The following SORCS2 variants were observed in gnomAD, a reference collection of about 807,000 sequenced individuals.
The protein encoded by SORCS2 is sortilin related VPS10 domain containing receptor 2.
In SORCS2, 100 loss-of-function variants were observed where a neutral mutation model predicts 141.6. That is an observed-to-expected ratio of 0.71 (90% CI 0.60 to 0.83). The LOEUF is 0.83. Among genes scored for constraint, SORCS2 ranks in the 40% least tolerant of loss-of-function variants. The probability of loss-of-function intolerance (pLI) is 0.00; values close to 1 mark genes in which losing one functional copy is unlikely to be tolerated. For synonymous variants in SORCS2, 789 were observed against 676.9 expected (o/e 1.17, Z -2.57); for missense variants, 1,646 against 1,560.2 (o/e 1.05, Z -0.93).
intron 1 of SORCS2, among the ~76,000 whole-genome samples, chr4:7,304,222 C>T (rs887692261): frequency 6.6e-6 from 1 of 152,226 alleles, no homozygotes; most frequent in African/African-American, 2.4e-5. Flanking sequence ...GTCGGGGAGA[C>T]AGACACAAAC....
At chr4:7,661,927 G>A (rs967858376) in intron 6 of SORCS2, among the ~76,000 whole-genome samples, 7 of 152,266 alleles carry the variant, frequency 4.6e-5, no homozygotes, top group South Asian at 4.2e-4. Context: ...GCCCAGGGCC[G>A]TACATGCTGT....
Position 7,740,314 on chromosome 4 carries a change from G to T in SORCS2, c.*50G>T. ...ACCCACGGAGGGCACAGAACCACCA[G>T]CAAAGCCGGCGGCTGGACTGGCGCC... On this transcript the variant is annotated 3_prime_UTR_variant, in exon 27 of 27. Coordinates refer to ENST00000507866, the MANE Select transcript of SORCS2 (RefSeq NM_020777.3). The T allele has an allele frequency of 6.4e-7, 1 of 1,556,752 alleles. No individual in the cohort carries two copies.
intron 26 of SORCS2, among the ~76,000 whole-genome samples, chr4:7,737,686 G>A (rs73080574): frequency 9.9e-4 from 151 of 152,320 alleles, no homozygotes; most frequent in African/African-American, 3.4e-3. Context: ...TGCCCAGCAA[G>A]GAGAAGATCA....
At chr4:7,260,916 CAG>C (rs909490180) in intron 1 of SORCS2, among the ~76,000 whole-genome samples, 2 of 152,218 alleles carry the variant, frequency 1.3e-5, no homozygotes, top group African/African-American at 4.8e-5. Flanking sequence ...CACCGAGGCT[CAG>C]AGAGGTGGAG....
chr4:7,580,165 A>C (rs1385695443), intron 3 of SORCS2, among the ~76,000 whole-genome samples: 1 of 152,220 alleles, frequency 6.6e-6, no homozygotes, highest in Admixed American at 6.5e-5. Context: ...TAGATAATGC[A>C]ATACTTTTAT....
chr4:7,531,612 C>G lies in SORCS2; in HGVS notation c.631C>G (p.Pro211Ala). ...TTVIDNFYIC[P>A]TNKRKVILVS... is the part of the protein sequence containing the mutation. ...CGTCATCGACAATTTCTACATCTGC[C>G]CGACCAACAAGAGGAAGGTAGGTGC... Residue 211 changes from proline to alanine, a missense_variant, in exon 3 of 27, where the codon CCG becomes GCG. Pro to Ala is a conservative substitution (Grantham distance 27, BLOSUM62 -1). Transcript: ENST00000507866. 1 of 1,613,770 alleles carries G rather than the reference C, an allele frequency of 6.2e-7. No homozygotes were observed. Among genetic ancestry groups the G allele is most frequent in the South Asian group, 1.1e-5 (1 of 91,060 alleles).
intron 2 of SORCS2, among the ~76,000 whole-genome samples, chr4:7,495,850 C>T (rs897588320): frequency 6.6e-6 from 1 of 152,240 alleles, no homozygotes; most frequent in Non-Finnish European, 1.5e-5. Context: ...GCCGCAGCCC[C>T]CACCCACCCA....
intron 3 of SORCS2, among the ~76,000 whole-genome samples, chr4:7,618,017 C>T (rs1718882331): frequency 6.6e-6 from 1 of 152,022 alleles, no homozygotes; most frequent in South Asian, 2.1e-4. Context: ...TATGTCTGCA[C>T]CCCCACCACT....
At chr4:7,312,323 G>C (rs1198742987) in intron 1 of SORCS2, among the ~76,000 whole-genome samples, 1 of 152,194 alleles carries the variant, frequency 6.6e-6, no homozygotes, top group Non-Finnish European at 1.5e-5. Context: ...TCAACCCTCA[G>C]CTGGACCCTG....
intron 1 of SORCS2, among the ~76,000 whole-genome samples, chr4:7,297,009 T>C (rs1339569238): frequency 6.6e-6 from 1 of 152,154 alleles, no homozygotes; most frequent in Non-Finnish European, 1.5e-5. Flanking sequence ...GATTTGAACT[T>C]GCAGCCGAAC....
At chr4:7,658,688 T>C (rs1426232954) in intron 5 of SORCS2, among the ~76,000 whole-genome samples, 1 of 152,184 alleles carries the variant, frequency 6.6e-6, no homozygotes, top group South Asian at 2.1e-4. Flanking sequence ...TCTGTGCCAC[T>C]CAAACCCATT....
At chr4:7,605,578 G>A (rs1250808847) in intron 3 of SORCS2, among the ~76,000 whole-genome samples, 4 of 152,150 alleles carry the variant, frequency 2.6e-5, no homozygotes, top group Non-Finnish European at 4.4e-5. Context: ...ATCTGAAGGT[G>A]TGTTTAATCC....
At chr4:7,431,291 C>G (rs1422875776) in intron 2 of SORCS2, 1 of 152,246 alleles carries the variant, frequency 6.6e-6, no homozygotes, top group African/African-American at 2.4e-5. Flanking sequence ...GGACACCCCA[C>G]CCTGACCACC....
rs542273885 is a variant in SORCS2, at chr4:7,213,509, G to A, written c.480+20383G>A. On this transcript the variant is annotated intron_variant, in intron 1 of 26. Coordinates refer to ENST00000507866, the MANE Select transcript of SORCS2 (RefSeq NM_020777.3). ...GTAGCCTTGGAGGCGGAGGTGCTCT[G>A]TGGCCACACTCATTCAGTGTTGATC... Among the ~76,000 whole-genome samples the A allele has an allele frequency of 5.3e-5, 8 of 152,322 alleles. No homozygotes were observed. The South Asian group carries it at 1.7e-3, about 32-fold the overall frequency.
At chr4:7,355,015 A>T (rs1385577049) in intron 1 of SORCS2, among the ~76,000 whole-genome samples, 1 of 143,998 alleles carries the variant, frequency 6.9e-6, no homozygotes, top group Non-Finnish European at 1.5e-5. Context: ...GCACATACAT[A>T]CACAGAAAAA....
intron 3 of SORCS2, among the ~76,000 whole-genome samples, chr4:7,591,685 G>C (rs1716922989): frequency 1.3e-5 from 2 of 152,202 alleles, no homozygotes; most frequent in Admixed American, 1.3e-4. Flanking sequence ...TGTTAGCTCT[G>C]AAGAAAACCC....
Position 7,663,513 on chromosome 4 carries a change from G to A in SORCS2, c.953-840G>A, listed in dbSNP as rs1435958325. On this transcript the variant is annotated intron_variant, in intron 6 of 26. Transcript: ENST00000507866. The surrounding 1 kb of genome is among the most constrained non-coding windows in gnomAD (Gnocchi z 4.8). ...CATGGATGTGGCTCAGGAGGGCTTG[G>A]CAGTGGCCTGGTGCTGCTGCCCACG... is the stretch of plus-strand genomic sequence containing the variant. Among the ~76,000 whole-genome samples the A allele has an allele frequency of 2.0e-5, 3 of 152,258 alleles. No individual in the cohort carries two copies. The South Asian group carries it at 6.2e-4, about 31-fold the overall frequency.
chr4:7,657,823 T>C (rs904984895), intron 5 of SORCS2, among the ~76,000 whole-genome samples: 1 of 151,384 alleles, frequency 6.6e-6, no homozygotes, highest in African/African-American at 2.4e-5. Context: ...AGTGAGTGGG[T>C]GAGTCTGTGA....
At chr4:7,414,434 G>A (rs1004911432) in intron 2 of SORCS2, among the ~76,000 whole-genome samples, 9 of 152,220 alleles carry the variant, frequency 5.9e-5, no homozygotes, top group South Asian at 2.1e-4. Flanking sequence ...AGTGGGAGCC[G>A]CGGGGCAATG....
Sources: gnomAD v4.1 joint callset for allele counts (sites outside exome capture counted in the v4.1 genomes callset) on GRCh38, gnomAD v4.1.1 for gene constraint, Gnocchi (gnomAD v3.1) non-coding constraint, MANE v1.5 for transcripts, NCBI Gene and HGNC (gene_info 2026-07-23, HGNC 2026-07-21) for gene names.